The following LHFPL3 variants were observed in gnomAD, a reference collection of about 807,000 sequenced individuals.
The protein encoded by LHFPL3 is LHFPL tetraspan subfamily member 3.
A neutral mutation model predicts 19.3 loss-of-function variants in LHFPL3; 5 were observed. The ratio of observed to expected loss-of-function variants is 0.26; its 90% CI spans 0.14 to 0.54. The LOEUF is 0.54. Among genes scored for constraint, LHFPL3 ranks in the 20% least tolerant of loss-of-function variants. The pLI is 0.94. For missense variants in LHFPL3, 249 were observed against 307.4 expected (o/e 0.81, Z 1.42); for synonymous variants, 133 against 126.2 (o/e 1.05, Z -0.36).
At chr7:104,506,731 C>A (rs1201600615) in intron 1 of LHFPL3, among the ~76,000 whole-genome samples, 1 of 152,202 alleles carries the variant, frequency 6.6e-6, no homozygotes, top group East Asian at 1.9e-4. Flanking sequence ...AACATTTGGT[C>A]ATGGAACGCA....
chr7:104,550,499 A>T (rs995818812), intron 1 of LHFPL3, among the ~76,000 whole-genome samples: 3 of 152,206 alleles, frequency 2.0e-5, no homozygotes, highest in Admixed American at 6.5e-5. Flanking sequence ...TCATCTGAAA[A>T]GCCACAGAAT....
intron 1 of LHFPL3, among the ~76,000 whole-genome samples, chr7:104,535,775 T>C (rs535600136): frequency 2.1e-4 from 32 of 152,070 alleles, no homozygotes; most frequent in African/African-American, 7.5e-4. Context: ...AAAGAAGAGA[T>C]GCAGAGAGAA....
intron 1 of LHFPL3, among the ~76,000 whole-genome samples, chr7:104,599,906 T>C (rs1017975788): frequency 6.6e-6 from 1 of 152,218 alleles, no homozygotes; most frequent in Non-Finnish European, 1.5e-5. Context: ...TGAGTTGTGC[T>C]GACTTAAAAC....
chr7:104,430,419 CATATATATATATATATATAT>C (rs1457442187), intron 1 of LHFPL3, among the ~76,000 whole-genome samples: 25 of 14,662 alleles, frequency 1.7e-3, no homozygotes, highest in South Asian at 7.2e-3. Flanking sequence ...TATATATATA[CATATATATATATATATATAT>C]ATATATATAT....
chr7:104,714,598 G>A (rs913628457), intron 1 of LHFPL3, among the ~76,000 whole-genome samples: 6 of 151,740 alleles, frequency 4.0e-5, no homozygotes, highest in East Asian at 1.9e-4. Context: ...TTAAACATCC[G>A]AAGGGTGAGG....
At chr7:104,854,574 C>G (rs1007042867) in intron 2 of LHFPL3, among the ~76,000 whole-genome samples, 1 of 152,162 alleles carries the variant, frequency 6.6e-6, no homozygotes, top group South Asian at 2.1e-4. Context: ...ATGAGAGACT[C>G]TCTTCAACAA....
chr7:104,665,712 G>A (rs1008356153), intron 1 of LHFPL3, among the ~76,000 whole-genome samples: 2 of 152,218 alleles, frequency 1.3e-5, no homozygotes, highest in Admixed American at 6.5e-5. Flanking sequence ...CTGCTCAAAG[G>A]TGAGTTATTT....
At chr7:104,338,947 T>C (rs1789892182) in intron 1 of LHFPL3, among the ~76,000 whole-genome samples, 1 of 152,220 alleles carries the variant, frequency 6.6e-6, no homozygotes, top group Non-Finnish European at 1.5e-5. Flanking sequence ...TCTCATTTTC[T>C]TGATTAAGAA....
chr7:104,335,869 AAAG>A (rs1273944170), intron 1 of LHFPL3, among the ~76,000 whole-genome samples: 1 of 151,738 alleles, frequency 6.6e-6, no homozygotes, highest in Admixed American at 6.6e-5. Flanking sequence ...AAAAAAAAAA[AAAG>A]AAACAGAAGA....
intron 1 of LHFPL3, among the ~76,000 whole-genome samples, chr7:104,365,980 A>G (rs1790489048): frequency 6.6e-6 from 1 of 152,152 alleles, no homozygotes; most frequent in Non-Finnish European, 1.5e-5. Context: ...CCCAGTTGGC[A>G]TGGCGTGTTT....
chr7:104,541,571 G>A (rs1794487346), intron 1 of LHFPL3, among the ~76,000 whole-genome samples: 1 of 152,168 alleles, frequency 6.6e-6, no homozygotes, highest in Non-Finnish European at 1.5e-5. Flanking sequence ...GAAATATGCT[G>A]CAGAAACAAG....
chr7:104,901,416 G>A (rs1233627798), intron 2 of LHFPL3, among the ~76,000 whole-genome samples: 2 of 152,168 alleles, frequency 1.3e-5, no homozygotes, highest in Non-Finnish European at 2.9e-5. Flanking sequence ...GCAGTAGGAA[G>A]AAAAAATATG....
chr7:104,753,958 G>C (rs760188764), intron 2 of LHFPL3, among the ~76,000 whole-genome samples: 1 of 152,186 alleles, frequency 6.6e-6, no homozygotes, highest in Non-Finnish European at 1.5e-5. Flanking sequence ...TAGTCCAACA[G>C]ATAAACATTC....
rs6958593 is a variant in LHFPL3, at chr7:104,848,693, C to T, written c.683-57494C>T. On this transcript the variant is annotated intron_variant, in intron 2 of 2. Transcript: ENST00000424859. ...AGGAAAGGAGTCCTATGGGCTGCCC[C>T]TGAGCCACAGCAAAGCACCCCACTG... Among the ~76,000 whole-genome samples, 594 of 152,218 alleles carry T rather than the reference C, an allele frequency of 3.9e-3. 8 individuals are homozygous for T. Among genetic ancestry groups the T allele is most frequent in the African/African-American group, 0.014 (562 of 41,536 alleles).
intron 1 of LHFPL3, among the ~76,000 whole-genome samples, chr7:104,495,435 G>T (rs1027713773): frequency 6.6e-6 from 1 of 152,066 alleles, no homozygotes; most frequent in Non-Finnish European, 1.5e-5. Context: ...CCAGGCTGGA[G>T]TGCAGTGGCA....
chr7:104,695,262 G>A (rs1197625605), intron 1 of LHFPL3, among the ~76,000 whole-genome samples: 1 of 152,060 alleles, frequency 6.6e-6, no homozygotes, highest in East Asian at 1.9e-4. Flanking sequence ...ACATGCACCA[G>A]GCCAATTTGT....
chr7:104,423,630 A>AGCCTGGGTGACAGAGCAAG (rs1402083894), intron 1 of LHFPL3, among the ~76,000 whole-genome samples: 2 of 152,210 alleles, frequency 1.3e-5, no homozygotes, highest in Admixed American at 1.3e-4. Context: ...CACTGCACTC[A>AGCCTGGGTGACAGAGCAAG]GCCTGGGTGA....
At chr7:104,876,839 T>C (rs371206167) in intron 2 of LHFPL3, among the ~76,000 whole-genome samples, 2 of 152,236 alleles carry the variant, frequency 1.3e-5, no homozygotes, top group Non-Finnish European at 2.9e-5. Flanking sequence ...ATGTTTATTG[T>C]GGCACTATTC....
At chr7:104,605,623 A>G (rs1245151356) in intron 1 of LHFPL3, among the ~76,000 whole-genome samples, 2 of 152,234 alleles carry the variant, frequency 1.3e-5, no homozygotes, top group Non-Finnish European at 2.9e-5. Flanking sequence ...TGATAAAGCC[A>G]TCTGGAAAGT....
Sources: allele counts gnomAD v4.1 joint callset (sites outside exome capture counted in the v4.1 genomes callset), GRCh38; gene constraint gnomAD v4.1.1; transcripts MANE v1.5; gene names NCBI Gene and HGNC (gene_info 2026-07-23, HGNC 2026-07-21).